NECTIN2: variants seen among roughly 807,000 people sequenced by gnomAD.
The protein encoded by NECTIN2 is nectin-2.
Under a neutral mutation model 56.9 loss-of-function variants are expected in NECTIN2, and 23 were observed. The ratio of observed to expected loss-of-function variants is 0.40; its 90% CI spans 0.29 to 0.57. The LOEUF (loss-of-function observed/expected upper bound fraction) is 0.57, where lower values mean the gene tolerates loss of function less well. Ranked by LOEUF, NECTIN2 falls within the 20% of genes least tolerant of loss-of-function variation. The pLI, the probability that NECTIN2 is intolerant of heterozygous loss-of-function variation, is 0.38. For synonymous variants in NECTIN2, 302 were observed against 313.8 expected (o/e 0.96, Z 0.40); for missense variants, 587 against 718.3 (o/e 0.82, Z 2.09).
At chr19:44,881,155 G>A (rs1358821071) in intron 5 of NECTIN2, among the ~76,000 whole-genome samples, 3 of 151,910 alleles carry the variant, frequency 2.0e-5, no homozygotes, top group Non-Finnish European at 2.9e-5. Context: ...CAATCCGCCC[G>A]CCTCGCCCTC....
chr19:44,848,602 A>G (rs1221280837), intron 1 of NECTIN2, among the ~76,000 whole-genome samples: 2 of 140,252 alleles, frequency 1.4e-5, no homozygotes, highest in South Asian at 2.3e-4. Context: ...TTTCTTGACC[A>G]CCCCCACCCC....
chr19:44,880,917 C>T (rs995415524), intron 5 of NECTIN2, among the ~76,000 whole-genome samples: 3 of 151,868 alleles, frequency 2.0e-5, no homozygotes, highest in African/African-American at 7.3e-5. Flanking sequence ...GGATTACAGG[C>T]GCGCGCTAGC....
At chr19:44,846,718 GCC>G in intron 1 of NECTIN2, 105 bp downstream of exon 1, 1 of 1,270,394 alleles carries the variant, frequency 7.9e-7, no homozygotes, top group Non-Finnish European at 1.0e-6. Flanking sequence ...GGCTCCCCGA[GCC>G]CCCTCTCGCG....
At chr19:44,860,041 G>A (rs1969013854) in intron 1 of NECTIN2, among the ~76,000 whole-genome samples, 1 of 152,146 alleles carries the variant, frequency 6.6e-6, no homozygotes, top group Non-Finnish European at 1.5e-5. Flanking sequence ...AGAGTGAAGC[G>A]CCGACACGTG....
chr19:44,866,873 A>G (rs1284245819), intron 2 of NECTIN2, among the ~76,000 whole-genome samples: 1 of 152,080 alleles, frequency 6.6e-6, no homozygotes, highest in African/African-American at 2.4e-5. Flanking sequence ...GGGTAAGGCA[A>G]CTACAAAGTC....
chr19:44,879,816 C>T (rs1969288009), intron 5 of NECTIN2, among the ~76,000 whole-genome samples: 1 of 151,096 alleles, frequency 6.6e-6, no homozygotes, highest in African/African-American at 2.4e-5. Flanking sequence ...CCTCATGCAG[C>T]CTCATTGACC....
At chr19:44,878,513 G>A (rs1352979133) in intron 5 of NECTIN2, 2 of 1,614,126 alleles carry the variant, frequency 1.2e-6, no homozygotes, top group South Asian at 2.2e-5. Context: ...GGAGGAGGAA[G>A]AGAAGGCAGA....
intron 8 of NECTIN2, among the ~76,000 whole-genome samples, chr19:44,887,420 A>G (rs1475324267): frequency 6.6e-6 from 1 of 152,198 alleles, no homozygotes; most frequent in African/African-American, 2.4e-5. Context: ...AGGCAGGTGG[A>G]TCACCTGAGG....
intron 1 of NECTIN2, among the ~76,000 whole-genome samples, chr19:44,860,501 C>G (rs1437875040): frequency 2.0e-5 from 3 of 152,044 alleles, no homozygotes; most frequent in Admixed American, 2.0e-4. Flanking sequence ...GAGTGAGATC[C>G]TGTCTCAAAA....
intron 1 of NECTIN2, among the ~76,000 whole-genome samples, chr19:44,859,825 CAAAA>C (rs35459524): frequency 4.0e-5 from 5 of 124,278 alleles, no homozygotes; most frequent in Non-Finnish European, 1.7e-5. Flanking sequence ...ACTCCGTCTC[CAAAA>C]AAAAAAAAAA....
intron 2 of NECTIN2, among the ~76,000 whole-genome samples, chr19:44,869,142 C>T (rs1401481410): frequency 3.9e-5 from 6 of 151,988 alleles, no homozygotes; most frequent in African/African-American, 9.7e-5. Flanking sequence ...CCCTCACAAA[C>T]GCCTCTCTTC....
chr19:44,886,043 C>G (rs757606790), intron 7 of NECTIN2, 43 bp downstream of exon 7: 2 of 1,574,988 alleles, frequency 1.3e-6, no homozygotes, highest in African/African-American at 2.7e-5. Flanking sequence ...CACCTCCACA[C>G]CCACCCCAGG....
rs899699973 is a variant in NECTIN2, at chr19:44,889,175, T to C, written c.*796T>C. On this transcript the variant is annotated 3_prime_UTR_variant, in exon 9 of 9. Transcript: ENST00000252483. Reference sequence around the variant, plus strand: ...CATCTGAATTGGGGGTAGCAATTGATACTGTTTTGTAAACTACATTTCCTA... The same window carrying C: ...CATCTGAATTGGGGGTAGCAATTGACACTGTTTTGTAAACTACATTTCCTA... The C allele has an allele frequency of 6.6e-6, 1 of 152,282 alleles. No individual in the cohort carries two copies. Among genetic ancestry groups the C allele is most frequent in the Admixed American group, 6.5e-5 (1 of 15,274 alleles). 9.4% of individuals were successfully genotyped at this position (152,282 alleles called of 1,614,324 possible). A position where few individuals can be genotyped will look rare whatever the true frequency, so the allele number is the denominator to read the frequency against.
chr19:44,873,903 C>G lies in NECTIN2; in HGVS notation c.776-13C>G, dbSNP rs781047916. Reference sequence around the variant, plus strand: ...TCTCCTCCTTGCTGATCCAGTCCCCCCATTTCCCCCAGACCCTCCTGAAGT... The same window carrying G: ...TCTCCTCCTTGCTGATCCAGTCCCCGCATTTCCCCCAGACCCTCCTGAAGT... On this transcript the variant is annotated splice_polypyrimidine_tract_variant and intron_variant, in intron 3 of 8. Coordinates refer to ENST00000252483, the MANE Select transcript of NECTIN2 (RefSeq NM_001042724.2). 14 of 1,592,684 alleles carry G rather than the reference C, an allele frequency of 8.8e-6. No homozygotes were observed. In the East Asian group the frequency reaches 2.9e-4, roughly 33 times the overall value.
intron 6 of NECTIN2, among the ~76,000 whole-genome samples, chr19:44,885,436 T>A (rs1969350709): frequency 6.6e-6 from 1 of 151,720 alleles, no homozygotes; most frequent in African/African-American, 2.4e-5. Context: ...CTCAGCCTCC[T>A]GAGTAGCTGG....
At chr19:44,863,454 TG>T in intron 1 of NECTIN2, among the ~76,000 whole-genome samples, 1 of 152,170 alleles carries the variant, frequency 6.6e-6, no homozygotes, top group East Asian at 1.9e-4. Flanking sequence ...AATTAACTGT[TG>T]GGTACGCTGT....
intron 1 of NECTIN2, among the ~76,000 whole-genome samples, chr19:44,846,996 C>A (rs970990464): frequency 4.6e-5 from 7 of 152,222 alleles, no homozygotes; most frequent in African/African-American, 1.7e-4. Context: ...TCTCCTCTAC[C>A]CCTCTCAGGA....
chr19:44,880,929 T>C (rs970678869), intron 5 of NECTIN2, among the ~76,000 whole-genome samples: 19 of 151,904 alleles, frequency 1.3e-4, no homozygotes, highest in African/African-American at 4.6e-4. Context: ...CGCGCTAGCA[T>C]GCCCAGCTAA....
At position 44,873,822 on chromosome 19, in the gene NECTIN2, G is replaced by A. The variant is rs77784532; in HGVS notation, c.776-94G>A. The stretch of plus-strand genomic sequence containing the variant: ...TGACTGCTGTACCTCCTGCCAACCC[G>A]CCCCGTTTCTTTAGCATTCCTGTCT... On this transcript the variant is annotated intron_variant, in intron 3 of 8. Transcript: ENST00000252483. 31 of 924,990 alleles carry A rather than the reference G, an allele frequency of 3.4e-5. No homozygotes were observed. The East Asian group carries it at 5.6e-4, about 17-fold the overall frequency. The allele number at this position is 924,990 out of a possible 1,614,324, so 57.3% of individuals were successfully genotyped here. A position where few individuals can be genotyped will look rare whatever the true frequency, so the allele number is the denominator to read the frequency against.
Sources: allele counts gnomAD v4.1 joint callset (sites outside exome capture counted in the v4.1 genomes callset), GRCh38; gene constraint gnomAD v4.1.1; transcripts MANE v1.5; gene names NCBI Gene and HGNC (gene_info 2026-07-23, HGNC 2026-07-21).